Variants in GPC5 observed in about 807,000 individuals in gnomAD.
GPC5 encodes the protein glypican 5, also known as glypican-5.
GPC5 carries 47 observed loss-of-function variants against 53.9 expected under a neutral mutation model. The observed-to-expected ratio is 0.87, with a 90% CI of 0.69 to 1.11. The LOEUF (loss-of-function observed/expected upper bound fraction) is 1.11. Among genes scored for constraint, GPC5 ranks in the 50% most tolerant of loss-of-function variants. The probability of loss-of-function intolerance (pLI) is 0.00; values close to 1 mark genes in which losing one functional copy is unlikely to be tolerated. For synonymous variants in GPC5, 286 were observed against 263.3 expected, an observed-to-expected ratio of 1.09 and a Z score of -0.84; for missense variants, 748 against 713.1, an observed-to-expected ratio of 1.05 and a Z score of -0.56.
chr13:92,125,153 C>G (rs1380349565), intron 6 of GPC5, among the ~76,000 whole-genome samples: 1 of 152,110 alleles, frequency 6.6e-6, no homozygotes, highest in Non-Finnish European at 1.5e-5. Context: ...CCAACGGAGT[C>G]TATAGCACAA....
intron 7 of GPC5, among the ~76,000 whole-genome samples, chr13:92,754,110 G>A (rs1009264560): frequency 2.0e-4 from 31 of 152,258 alleles, no homozygotes; most frequent in African/African-American, 3.6e-4. Flanking sequence ...ATGGAAGCCC[G>A]TCAGACTAAC....
At chr13:92,414,501 T>C (rs1264791515) in intron 7 of GPC5, among the ~76,000 whole-genome samples, 1 of 105,762 alleles carries the variant, frequency 9.5e-6, no homozygotes, top group Non-Finnish European at 1.9e-5. Context: ...CGAGACTCTG[T>C]CTCAAAAAAA....
intron 1 of GPC5, among the ~76,000 whole-genome samples, chr13:91,434,669 G>C (rs1402186816): frequency 6.6e-6 from 1 of 151,946 alleles, no homozygotes; most frequent in African/African-American, 2.4e-5. Flanking sequence ...GGCGATGCGG[G>C]CTCTTTTTTG....
chr13:92,821,928 A>G (rs1220665580), intron 7 of GPC5, among the ~76,000 whole-genome samples: 2 of 149,922 alleles, frequency 1.3e-5, no homozygotes, highest in Non-Finnish European at 3.0e-5. Flanking sequence ...TAAATACAAG[A>G]AAAAAAATGG....
At chr13:92,676,055 AT>A (rs1487697313) in intron 7 of GPC5, among the ~76,000 whole-genome samples, 1 of 152,164 alleles carries the variant, frequency 6.6e-6, no homozygotes, top group Non-Finnish European at 1.5e-5. Flanking sequence ...CTAACCAGAT[AT>A]TTTTTGCCAT....
At chr13:92,848,653 G>A (rs1478955542) in intron 7 of GPC5, among the ~76,000 whole-genome samples, 4 of 152,068 alleles carry the variant, frequency 2.6e-5, no homozygotes, top group Non-Finnish European at 5.9e-5. Context: ...CTCTGTGTGT[G>A]TGTCTATATA....
chr13:92,515,135 A>G (rs1880722130), intron 7 of GPC5, among the ~76,000 whole-genome samples: 1 of 152,246 alleles, frequency 6.6e-6, no homozygotes, highest in Non-Finnish European at 1.5e-5. Flanking sequence ...ATATTTGCAG[A>G]AAAATGAGAT....
chr13:92,055,157 T>C (rs1378144644), intron 6 of GPC5, among the ~76,000 whole-genome samples: 1 of 152,206 alleles, frequency 6.6e-6, no homozygotes, highest in African/African-American at 2.4e-5. Context: ...TGAGTCCCTA[T>C]ATGTTGCAAG....
chr13:92,630,660 C>T (rs1165287108), intron 7 of GPC5, among the ~76,000 whole-genome samples: 1 of 152,102 alleles, frequency 6.6e-6, no homozygotes, highest in Non-Finnish European at 1.5e-5. Context: ...CCTGCATGTT[C>T]TGCACATGTA....
intron 7 of GPC5, among the ~76,000 whole-genome samples, chr13:92,546,995 T>C (rs1040176276): frequency 3.3e-5 from 5 of 152,210 alleles, no homozygotes. Context: ...ATCCCTTCCT[T>C]ACACCTTATA....
chr13:92,240,121 G>A (rs775444993), intron 7 of GPC5: 1 of 151,882 alleles, frequency 6.6e-6, no homozygotes, highest in Non-Finnish European at 1.5e-5. Flanking sequence ...TTATAAAGAC[G>A]TTATCAATAC....
intron 5 of GPC5, among the ~76,000 whole-genome samples, chr13:91,868,409 A>G (rs2039107020): frequency 6.6e-6 from 1 of 152,198 alleles, no homozygotes; most frequent in South Asian, 2.1e-4. Context: ...AATATGAGGT[A>G]AAGTATAGGA....
At chr13:91,763,467 G>T (rs575091022) in intron 5 of GPC5, among the ~76,000 whole-genome samples, 2 of 152,226 alleles carry the variant, frequency 1.3e-5, no homozygotes, top group African/African-American at 4.8e-5. Context: ...CCTGCCCAAA[G>T]TCAAAAGTCT....
intron 7 of GPC5, among the ~76,000 whole-genome samples, chr13:92,384,645 G>A (rs1378139643): frequency 6.6e-6 from 1 of 151,966 alleles, no homozygotes; most frequent in African/African-American, 2.4e-5. Flanking sequence ...CCTTGAGATT[G>A]GAGGGGAATA....
At chr13:92,590,529 G>A (rs1027877576) in intron 7 of GPC5, among the ~76,000 whole-genome samples, 4 of 152,160 alleles carry the variant, frequency 2.6e-5, no homozygotes, top group Non-Finnish European at 5.9e-5. Flanking sequence ...TTCTCATGGT[G>A]GTTTAATCTG....
chr13:92,069,023 G>A (rs2041189052), intron 6 of GPC5, among the ~76,000 whole-genome samples: 1 of 151,872 alleles, frequency 6.6e-6, no homozygotes, highest in Admixed American at 6.6e-5. Flanking sequence ...TTACATTTAG[G>A]TTTTCATCAA....
intron 1 of GPC5, among the ~76,000 whole-genome samples, chr13:91,433,770 T>G (rs59823440): frequency 1.3e-5 from 2 of 151,986 alleles, no homozygotes; most frequent in African/African-American, 4.8e-5. Flanking sequence ...CCTGAGGAAT[T>G]GCCACACTGA....
chr13:92,650,582 C>G lies in GPC5; in HGVS notation c.1562-215700C>G, dbSNP rs147824428. Among the ~76,000 whole-genome samples the G allele has an allele frequency of 3.1e-3, 468 of 152,144 alleles. 4 individuals are homozygous for G. The highest frequency in any genetic ancestry group is 4.1e-3 in the Admixed American group (63 of 15,260). ...ACAGTGCATATACAGGCCAGATATT[C>G]TTGAAAAACCACATAATAGTAGAGC... On this transcript the variant is annotated intron_variant, in intron 7 of 7. Transcript: ENST00000377067.
chr13:92,006,271 T>C (rs994809330), intron 6 of GPC5, among the ~76,000 whole-genome samples: 1 of 152,138 alleles, frequency 6.6e-6, no homozygotes, highest in African/African-American at 2.4e-5. Context: ...ATAATTTAAG[T>C]GGATAAATGA....
Sources: allele counts gnomAD v4.1 joint callset (sites outside exome capture counted in the v4.1 genomes callset), GRCh38; gene constraint gnomAD v4.1.1; transcripts MANE v1.5; gene names NCBI Gene and HGNC (gene_info 2026-07-23, HGNC 2026-07-21).